Variants in TANGO2 observed in about 807,000 individuals in gnomAD.
The protein encoded by TANGO2 is transport and golgi organization 2 homolog.
Under a neutral mutation model 39.1 loss-of-function variants are expected in TANGO2, and 26 were observed. The ratio of observed to expected loss-of-function variants is 0.67; its 90% confidence interval spans 0.49 to 0.92. The LOEUF (loss-of-function observed/expected upper bound fraction) is 0.92, where lower values mean the gene tolerates loss of function less well. Ranked by LOEUF, TANGO2 falls within the 40% of genes least tolerant of loss-of-function variation. The pLI is 0.00. For synonymous variants in TANGO2, 131 were observed against 144.5 expected (o/e 0.91, Z 0.67); for missense variants, 326 against 360.1 (o/e 0.91, Z 0.77).
intron 5 of TANGO2, 107 bp downstream of exon 5, chr22:20,053,658 AG>A (rs915818014): frequency 4.0e-6 from 3 of 755,916 alleles, no homozygotes; most frequent in Non-Finnish European, 7.1e-6. Flanking sequence ...CAGCCTCTCC[AG>A]GGACGTTGCT....
upstream of TANGO2, among the ~76,000 whole-genome samples, chr22:20,020,620 C>G (rs1368657934): frequency 6.6e-6 from 1 of 151,964 alleles, no homozygotes; most frequent in African/African-American, 2.4e-5. Flanking sequence ...GAGGAAAGAG[C>G]CGACCTGGAG....
chr22:20,056,409 C>A (rs1403841334), intron 6 of TANGO2: 1 of 474,734 alleles, frequency 2.1e-6, no homozygotes, highest in East Asian at 6.3e-5. Flanking sequence ...CAAGTACACA[C>A]CCCACTCAAG....
rs533224476 is a variant in TANGO2, at chr22:20,049,172, AAT to A, written c.146-3292_146-3291del. On this transcript the variant is annotated intron_variant, in intron 3 of 8. Transcript: ENST00000327374. The stretch of plus-strand genomic sequence containing the variant: ...TGAGATTTACTGCCTCCAACCCCCA[AAT>A]CTCTCTAGTTGTTCCAGCATCATTT... 1.1e-3 allele frequency among the ~76,000 whole-genome samples: 164 copies of A among 152,252 alleles called. 1 individual carries two copies. The South Asian group carries it at 0.033, about 30-fold the overall frequency.
chr22:20,054,423 C>A (rs1164328730), intron 5 of TANGO2: 1 of 153,066 alleles, frequency 6.5e-6, no homozygotes, highest in Admixed American at 6.5e-5. Flanking sequence ...CCATGTGGGT[C>A]TGATTAGTCT....
chr22:20,052,828 G>A (rs1035369036), intron 4 of TANGO2, among the ~76,000 whole-genome samples: 1 of 152,162 alleles, frequency 6.6e-6, no homozygotes, highest in Non-Finnish European at 1.5e-5. Context: ...CCAGGTAAGG[G>A]TGGGGACAAG....
At chr22:20,053,131 C>T (rs1021264832) in intron 4 of TANGO2, among the ~76,000 whole-genome samples, 1 of 152,194 alleles carries the variant, frequency 6.6e-6, no homozygotes, top group Non-Finnish European at 1.5e-5. Context: ...ATGCCTTCCC[C>T]GAGACGACAG....
At chr22:20,025,495 G>A (rs1271401904) in intron 1 of TANGO2, among the ~76,000 whole-genome samples, 1 of 152,082 alleles carries the variant, frequency 6.6e-6, no homozygotes, top group African/African-American at 2.4e-5. Context: ...TGTACAAAGT[G>A]AACCCAGCCA....
At chr22:20,059,800 GTCTC>G (rs528592809) in intron 6 of TANGO2, among the ~76,000 whole-genome samples, 1 of 152,000 alleles carries the variant, frequency 6.6e-6, no homozygotes, top group Admixed American at 6.6e-5. Context: ...TAAGTCCTAT[GTCTC>G]TCTCTTTTTT....
chr22:20,051,532 A>G (rs943572249), intron 3 of TANGO2, among the ~76,000 whole-genome samples: 2 of 151,964 alleles, frequency 1.3e-5, no homozygotes, highest in African/African-American at 4.8e-5. Flanking sequence ...ACTCTGTCTC[A>G]AAAAGTAATA....
intron 1 of TANGO2, among the ~76,000 whole-genome samples, chr22:20,022,855 C>T (rs1031453638): frequency 1.3e-5 from 2 of 152,224 alleles, no homozygotes; most frequent in Non-Finnish European, 2.9e-5. Context: ...CGAAGTAGGG[C>T]CATGCTTGTC....
upstream of TANGO2, among the ~76,000 whole-genome samples, chr22:20,020,413 C>A (rs1202679725): frequency 6.6e-6 from 1 of 152,066 alleles, no homozygotes; most frequent in Admixed American, 6.5e-5. Flanking sequence ...TGGGAGGGCC[C>A]CAGTCAGTGC....
At chr22:20,033,227 G>T in intron 1 of TANGO2, 1 of 528,228 alleles carries the variant, frequency 1.9e-6, no homozygotes, top group Non-Finnish European at 3.9e-6. Context: ...CCCAATGACC[G>T]CGTCTTCGTC....
rs376011916 is a variant in TANGO2, at chr22:20,036,969, A to G, written c.56+115A>G. 4.4e-5 allele frequency: 71 copies of G among 1,610,722 alleles called. No individual in the cohort carries two copies. Among genetic ancestry groups the G allele is most frequent in the Non-Finnish European group, 5.6e-5 (66 of 1,177,850 alleles). On this transcript the variant is annotated intron_variant, in intron 2 of 8. Transcript: ENST00000327374. The stretch of plus-strand genomic sequence containing the variant: ...GGTGTGTGGGCCAGGACGGGGCTGC[A>G]CAGGCCTGGCACTGCCCTCCAGGAC...
At chr22:20,055,787 C>T in intron 5 of TANGO2, 156 bp from the exon 6 acceptor site, 2 of 660,344 alleles carry the variant, frequency 3.0e-6, no homozygotes, top group Non-Finnish European at 5.4e-6. Context: ...GCCTGCCAGG[C>T]ACCTGAGGGG....
chr22:20,017,492 C>T (rs1035269899), upstream of TANGO2, among the ~76,000 whole-genome samples: 1 of 152,136 alleles, frequency 6.6e-6, no homozygotes, highest in African/African-American at 2.4e-5. Context: ...GGGCTCACCT[C>T]CCCCACCAGG....
At chr22:20,033,328 C>T (rs1601924745) in intron 1 of TANGO2, 1 of 419,324 alleles carries the variant, frequency 2.4e-6, no homozygotes, top group East Asian at 9.0e-5. Flanking sequence ...ATGGAGCCCT[C>T]CCTGCCACTG....
At chr22:20,032,590 A>G (rs1461843228) in intron 1 of TANGO2, among the ~76,000 whole-genome samples, 3 of 152,230 alleles carry the variant, frequency 2.0e-5, no homozygotes, top group East Asian at 3.8e-4. Context: ...TGCCAAGGAC[A>G]TGCTGAGAGT....
chr22:20,052,712 A>G, intron 4 of TANGO2, 128 bp downstream of exon 4: 1 of 1,220,830 alleles, frequency 8.2e-7, no homozygotes, highest in Non-Finnish European at 1.1e-6. Context: ...CAAGGTAGGA[A>G]GTGCCAAGGT....
intron 1 of TANGO2, among the ~76,000 whole-genome samples, chr22:20,032,177 C>G (rs2041991675): frequency 6.6e-6 from 1 of 152,258 alleles, no homozygotes; most frequent in South Asian, 2.1e-4. Flanking sequence ...TTTTGCGTCA[C>G]CTGCCCCACC....
Sources: allele counts gnomAD v4.1 joint callset (sites outside exome capture counted in the v4.1 genomes callset), GRCh38; gene constraint gnomAD v4.1.1; transcripts MANE v1.5; gene names NCBI Gene and HGNC (gene_info 2026-07-23, HGNC 2026-07-21).